The following SEMA3A variants were observed in gnomAD, a reference collection of about 807,000 sequenced individuals.
SEMA3A encodes semaphorin-3A.
Under a neutral mutation model 97.9 loss-of-function variants are expected in SEMA3A, and 29 were observed. That is an observed-to-expected ratio of 0.30 (90% CI 0.22 to 0.40). SEMA3A has a LOEUF of 0.40. SEMA3A is among the 10% of genes least tolerant of loss of function. The probability of loss-of-function intolerance (pLI) is 1.00; values close to 1 mark genes in which losing one functional copy is unlikely to be tolerated. For synonymous variants in SEMA3A, 321 were observed against 323.7 expected (o/e 0.99, Z 0.09); for missense variants, 763 against 951.3 (o/e 0.80, Z 2.60).
At chr7:84,139,358 G>A (rs1289862561) in intron 1 of SEMA3A, among the ~76,000 whole-genome samples, 5 of 151,848 alleles carry the variant, frequency 3.3e-5, no homozygotes, top group Admixed American at 6.6e-5. Flanking sequence ...ATGCTGTGTC[G>A]AGCTATAAGA....
At chr7:84,202,823 C>T (rs28687471) in intron 3 of SEMA3A, among the ~76,000 whole-genome samples, 111 of 152,180 alleles carry the variant, frequency 7.3e-4, no homozygotes, top group African/African-American at 2.6e-3. Flanking sequence ...CATGAATGTC[C>T]TAATGCCAAT....
chr7:84,117,048 G>C (rs1425222222), intron 3 of SEMA3A, among the ~76,000 whole-genome samples: 1 of 152,080 alleles, frequency 6.6e-6, no homozygotes, highest in Non-Finnish European at 1.5e-5. Context: ...CTTCTGCTTT[G>C]TACAGAATTA....
At chr7:84,091,217 GAAAA>G (rs1794584911) in intron 4 of SEMA3A, among the ~76,000 whole-genome samples, 3 of 68,676 alleles carry the variant, frequency 4.4e-5, no homozygotes, top group South Asian at 4.5e-4. Flanking sequence ...AGAAAGAAAA[GAAAA>G]GAAAGAAAAG....
At chr7:84,364,554 A>G (rs1448373227) in intron 2 of SEMA3A, among the ~76,000 whole-genome samples, 1 of 151,750 alleles carries the variant, frequency 6.6e-6, no homozygotes, top group Non-Finnish European at 1.5e-5. Context: ...ATATTGCACA[A>G]TAAACTAAAT....
At chr7:84,035,244 A>T (rs1791899009) in intron 6 of SEMA3A, among the ~76,000 whole-genome samples, 1 of 152,066 alleles carries the variant, frequency 6.6e-6, no homozygotes. Context: ...TTTTATGTAA[A>T]TAGAAAGGCA....
At chr7:84,482,173 T>A (rs1327425429) in intron 1 of SEMA3A, among the ~76,000 whole-genome samples, 2 of 152,116 alleles carry the variant, frequency 1.3e-5, no homozygotes, top group African/African-American at 4.8e-5. Context: ...GGTAGTGTTA[T>A]TAATGTTATT....
intron 13 of SEMA3A, among the ~76,000 whole-genome samples, chr7:83,982,280 G>A (rs554774203): frequency 1.8e-4 from 28 of 152,248 alleles, no homozygotes; most frequent in Middle Eastern, 3.4e-3. Flanking sequence ...GGTCTTTAAA[G>A]TATGCATTCA....
At chr7:84,186,496 T>C (rs1797891671) in intron 1 of SEMA3A, among the ~76,000 whole-genome samples, 1 of 152,134 alleles carries the variant, frequency 6.6e-6, no homozygotes, top group Admixed American at 6.6e-5. Context: ...AAGTTGAAGG[T>C]TAAAAGAAAA....
intron 1 of SEMA3A, among the ~76,000 whole-genome samples, chr7:84,480,791 C>T (rs2116432467): frequency 6.6e-6 from 1 of 152,202 alleles, no homozygotes; most frequent in South Asian, 2.1e-4. Context: ...CATACTGTGT[C>T]TATGTTTAAT....
chr7:84,283,738 A>G (rs1800512334), intron 3 of SEMA3A, among the ~76,000 whole-genome samples: 1 of 152,174 alleles, frequency 6.6e-6, no homozygotes, highest in South Asian at 2.1e-4. Context: ...ACTAGTTTAA[A>G]AGTAAATGCT....
Position 84,208,323 on chromosome 7 carries a change from G to A in SEMA3A, c.-82-13655C>T, listed in dbSNP as rs956460340. Reference sequence around the variant, plus strand: ...AAAAATTAGCTGGGTGTGGTGGCGGGCGCCTGTAATCCCAGCTACTGGGGA... The same window carrying A: ...AAAAATTAGCTGGGTGTGGTGGCGGACGCCTGTAATCCCAGCTACTGGGGA... On this transcript the variant is annotated intron_variant, in intron 3 of 3. Transcript: ENST00000424555. 8.6e-5 allele frequency among the ~76,000 whole-genome samples: 13 copies of A among 151,732 alleles called. No individual in the cohort carries two copies. The South Asian group carries it at 1.3e-3, about 15-fold the overall frequency.
intron 1 of SEMA3A, among the ~76,000 whole-genome samples, chr7:84,429,559 G>T (rs1218181265): frequency 2.7e-4 from 23 of 85,548 alleles, no homozygotes; most frequent in South Asian, 4.1e-4. Flanking sequence ...GCGAGAGAGA[G>T]AGAGAGAGAG....
intron 14 of SEMA3A, among the ~76,000 whole-genome samples, chr7:83,980,603 C>CAAAAAAAAAAAAAACAAAAAAAAAA (rs1789353637): frequency 1.9e-5 from 1 of 53,970 alleles, no homozygotes; most frequent in African/African-American, 7.2e-5. Flanking sequence ...GACTCCATCT[C>CAAAAAAAAAAAAAACAAAAAAAAAA]AAAAAAAAAA....
chr7:83,982,266 A>G (rs1789446986), intron 13 of SEMA3A, among the ~76,000 whole-genome samples: 1 of 152,206 alleles, frequency 6.6e-6, no homozygotes, highest in African/African-American at 2.4e-5. Context: ...GAGCATGTTT[A>G]ATAGGTCTTT....
At chr7:84,325,568 G>A (rs1801756660) in intron 2 of SEMA3A, among the ~76,000 whole-genome samples, 1 of 151,954 alleles carries the variant, frequency 6.6e-6, no homozygotes, top group Non-Finnish European at 1.5e-5. Context: ...GTGACAGGTG[G>A]CAAAGGAGAT....
At chr7:84,168,233 C>G (rs990431060) in intron 1 of SEMA3A, among the ~76,000 whole-genome samples, 1 of 151,876 alleles carries the variant, frequency 6.6e-6, no homozygotes, top group Non-Finnish European at 1.5e-5. Flanking sequence ...AAATAATGTG[C>G]CTCTTGGGTT....
intron 2 of SEMA3A, among the ~76,000 whole-genome samples, chr7:84,318,317 GTTTTTTTTTT>G (rs71522699): frequency 1.0e-5 from 1 of 97,798 alleles, no homozygotes; most frequent in East Asian, 3.5e-4. Context: ...TGATTTCTTG[GTTTTTTTTTT>G]TTTTTTTTTT....
chr7:84,317,652 G>A (rs999637476), intron 2 of SEMA3A, among the ~76,000 whole-genome samples: 1 of 151,718 alleles, frequency 6.6e-6, no homozygotes, highest in South Asian at 2.1e-4. Flanking sequence ...AAAATTTGTG[G>A]TTTATTTCAC....
intron 1 of SEMA3A, among the ~76,000 whole-genome samples, chr7:84,424,807 T>A (rs1280755195): frequency 9.9e-6 from 1 of 101,056 alleles, no homozygotes; most frequent in African/African-American, 4.1e-5. Flanking sequence ...TTTATACAAA[T>A]ATACATATAT....
Sources: gnomAD v4.1 joint callset for allele counts (sites outside exome capture counted in the v4.1 genomes callset) on GRCh38, gnomAD v4.1.1 for gene constraint, MANE v1.5 for transcripts, NCBI Gene and HGNC (gene_info 2026-07-23, HGNC 2026-07-21) for gene names.